ARHGAP26: variants seen among roughly 807,000 people sequenced by gnomAD.
ARHGAP26 encodes rho GTPase-activating protein 26.
Under a neutral mutation model 104.8 loss-of-function variants are expected in ARHGAP26, and 38 were observed. The ratio of observed to expected loss-of-function variants is 0.36; its 90% CI spans 0.28 to 0.48. The LOEUF (loss-of-function observed/expected upper bound fraction) is 0.48, where lower values mean the gene tolerates loss of function less well. Among genes scored for constraint, ARHGAP26 ranks in the 20% least tolerant of loss-of-function variants. The pLI is 0.99. For missense variants in ARHGAP26, 704 were observed against 947.9 expected (o/e 0.74, Z 3.38); for synonymous variants, 341 against 340.0 (o/e 1.00, Z -0.03).
rs149506925 is a variant in ARHGAP26 at position 143,095,664 on chromosome 5, C to G, written c.1539-25324C>G. ...GCTCACTGCAACCTCCACCTCCCAG[C>G]TGGGTTCAAGCAGTTGTCATGCCTC... On this transcript the variant is annotated intron_variant, in intron 17 of 22. Coordinates refer to ENST00000645722, the MANE Select transcript of ARHGAP26 (RefSeq NM_001135608.3). Among the ~76,000 whole-genome samples the G allele has an allele frequency of 9.7e-3, 1,472 of 152,266 alleles. 23 individuals are homozygous for G. Among genetic ancestry groups the G allele is most frequent in the East Asian group, 0.078 (403 of 5,186 alleles).
intron 6 of ARHGAP26, among the ~76,000 whole-genome samples, chr5:142,899,259 T>A (rs1759923185): frequency 6.6e-6 from 1 of 152,086 alleles, no homozygotes; most frequent in Non-Finnish European, 1.5e-5. Flanking sequence ...CTTCAACATA[T>A]CTTTTTTTGG....
chr5:142,789,044 C>T (rs60337511), intron 1 of ARHGAP26, among the ~76,000 whole-genome samples: 6,811 of 152,194 alleles, frequency 0.045, 171 homozygotes, highest in East Asian at 0.081. Flanking sequence ...TAATGCCAAC[C>T]CTTTTGCGTG....
intron 7 of ARHGAP26, among the ~76,000 whole-genome samples, 199 bp downstream of exon 7, chr5:142,902,238 T>TA (rs1289896767): frequency 6.6e-6 from 1 of 152,108 alleles, no homozygotes; most frequent in Non-Finnish European, 1.5e-5. Flanking sequence ...TCTTCTCCAT[T>TA]ATTTCAAAGC....
At chr5:143,205,247 A>T (rs1808384193) in intron 20 of ARHGAP26, among the ~76,000 whole-genome samples, 1 of 152,152 alleles carries the variant, frequency 6.6e-6, no homozygotes, top group South Asian at 2.1e-4. Flanking sequence ...AAGCTCTTGA[A>T]GTCAAGGGAC....
chr5:142,949,434 T>G (rs1598358787), intron 11 of ARHGAP26, among the ~76,000 whole-genome samples: 1 of 152,174 alleles, frequency 6.6e-6, no homozygotes, highest in East Asian at 1.9e-4. Context: ...CCAGTCATTA[T>G]GAGTATTGTC....
intron 17 of ARHGAP26, among the ~76,000 whole-genome samples, chr5:143,065,037 T>A (rs1787285343): frequency 6.6e-6 from 1 of 152,192 alleles, no homozygotes; most frequent in South Asian, 2.1e-4. Context: ...TCTCTTCCTT[T>A]TCTGAGTCCA....
chr5:143,038,046 G>T (rs1460888609), intron 13 of ARHGAP26, among the ~76,000 whole-genome samples: 1 of 152,230 alleles, frequency 6.6e-6, no homozygotes, highest in Non-Finnish European at 1.5e-5. Flanking sequence ...AGTCCCAGCA[G>T]TTTGAAGCTT....
intron 1 of ARHGAP26, among the ~76,000 whole-genome samples, chr5:142,830,203 A>G (rs1050995796): frequency 6.6e-6 from 1 of 152,188 alleles, no homozygotes; most frequent in African/African-American, 2.4e-5. Flanking sequence ...ATGGAGTGCT[A>G]TTATTCAGGT....
At chr5:142,917,023 C>A (rs1265504399) in intron 10 of ARHGAP26, among the ~76,000 whole-genome samples, 1 of 150,108 alleles carries the variant, frequency 6.7e-6, no homozygotes. Flanking sequence ...ACATTGGTGC[C>A]TCAAGACTTT....
At chr5:142,870,555 A>C (rs373089648) in intron 1 of ARHGAP26, among the ~76,000 whole-genome samples, 3 of 152,186 alleles carry the variant, frequency 2.0e-5, no homozygotes, top group Admixed American at 2.0e-4. Context: ...TCCGAGCTCC[A>C]AACAGTTATT....
chr5:142,779,717 G>A (rs1294329282), intron 1 of ARHGAP26, among the ~76,000 whole-genome samples: 1 of 152,208 alleles, frequency 6.6e-6, no homozygotes, highest in African/African-American at 2.4e-5. Flanking sequence ...CCTCCTCTGA[G>A]ACTTCAGATA....
At chr5:142,881,865 C>T (rs1371778102) in intron 4 of ARHGAP26, among the ~76,000 whole-genome samples, 1 of 152,164 alleles carries the variant, frequency 6.6e-6, no homozygotes, top group East Asian at 1.9e-4. Context: ...ACTTTTTCCT[C>T]CTCCTCCACT....
At chr5:143,221,679 A>G (rs1387484525) in intron 22 of ARHGAP26, among the ~76,000 whole-genome samples, 2 of 151,970 alleles carry the variant, frequency 1.3e-5, no homozygotes, top group African/African-American at 4.8e-5. Context: ...CGCTCCATCA[A>G]ACCTAGGTAG....
At chr5:143,210,304 G>C (rs1809252412) in intron 21 of ARHGAP26, among the ~76,000 whole-genome samples, 2 of 152,094 alleles carry the variant, frequency 1.3e-5, no homozygotes, top group South Asian at 4.2e-4. Flanking sequence ...AAAATCATCA[G>C]ATCTCGTGAG....
chr5:142,883,183 G>A (rs1172318034), intron 4 of ARHGAP26, among the ~76,000 whole-genome samples: 1 of 152,220 alleles, frequency 6.6e-6, no homozygotes, highest in Non-Finnish European at 1.5e-5. Flanking sequence ...TTGCCAGAAT[G>A]TCCCAGAATG....
intron 11 of ARHGAP26, among the ~76,000 whole-genome samples, chr5:142,998,673 G>C (rs915457201): frequency 5.9e-5 from 9 of 152,016 alleles, no homozygotes; most frequent in African/African-American, 1.9e-4. Context: ...TCAGTGAGCT[G>C]TGATCGAGCC....
intron 1 of ARHGAP26, among the ~76,000 whole-genome samples, chr5:142,853,234 G>T (rs1368983880): frequency 6.6e-6 from 1 of 151,982 alleles, no homozygotes; most frequent in Non-Finnish European, 1.5e-5. Flanking sequence ...GCCTAGGCTG[G>T]AGTGCACTGT....
intron 17 of ARHGAP26, among the ~76,000 whole-genome samples, chr5:143,093,147 CT>C (rs142805079): frequency 0.087 from 12,420 of 142,136 alleles, 819 homozygotes; most frequent in East Asian, 0.28. Flanking sequence ...TACCTTTTTG[CT>C]TTTTTTTTTT....
intron 17 of ARHGAP26, among the ~76,000 whole-genome samples, chr5:143,107,574 A>T (rs3776310): frequency 0.085 from 12,972 of 152,272 alleles, 822 homozygotes; most frequent in East Asian, 0.22. Context: ...TGCCTGCACA[A>T]TAGAAAGCAT....
Sources: allele counts gnomAD v4.1 joint callset (sites outside exome capture counted in the v4.1 genomes callset), GRCh38; gene constraint gnomAD v4.1.1; transcripts MANE v1.5; gene names NCBI Gene and HGNC (gene_info 2026-07-23, HGNC 2026-07-21).